PPFIA3: variants seen among roughly 807,000 people sequenced by gnomAD.
PPFIA3 encodes the protein liprin-alpha-3.
In PPFIA3, 26 loss-of-function variants were observed where a neutral mutation model predicts 145.8. That is an observed-to-expected ratio of 0.18 (90% CI 0.13 to 0.25). PPFIA3 has a LOEUF of 0.25. PPFIA3 is among the 10% of genes least tolerant of loss of function. PPFIA3 has a pLI of 1.00. For missense variants in PPFIA3, 1,008 were observed against 1,587.8 expected (o/e 0.63, Z 6.21); for synonymous variants, 645 against 661.4 (o/e 0.98, Z 0.38).
At chr19:49,139,007 A>G (rs17272756) in intron 16 of PPFIA3, among the ~76,000 whole-genome samples, 14,662 of 151,878 alleles carry the variant, frequency 0.097, 875 homozygotes, top group Non-Finnish European at 0.14. Context: ...CATGCATTGG[A>G]GAACTACAAA....
chr19:49,121,902 G>C lies in PPFIA3; in HGVS notation c.-16+2180G>C, dbSNP rs192568431. Among the ~76,000 whole-genome samples the C allele has an allele frequency of 3.3e-5, 5 of 151,894 alleles. No homozygotes were observed. The East Asian group carries it at 9.8e-4, about 30-fold the overall frequency. On this transcript the variant is annotated intron_variant, in intron 1 of 29. Coordinates refer to ENST00000334186, the MANE Select transcript of PPFIA3 (RefSeq NM_003660.4). ...TCCTTCTCTGTTGGCTCCCAAAAGTGCTGGGATTACAGGCATGGCCATCGC... is the reference window on the plus strand; with the variant it reads ...TCCTTCTCTGTTGGCTCCCAAAAGTCCTGGGATTACAGGCATGGCCATCGC...
intron 23 of PPFIA3, among the ~76,000 whole-genome samples, chr19:49,146,636 G>A (rs10401584): frequency 0.1 from 15,451 of 152,076 alleles, 2,209 homozygotes; most frequent in African/African-American, 0.33. Context: ...TTGTTCTCAA[G>A]AAACAAGAGG....
At chr19:49,129,087 T>C (rs1208807985) in intron 4 of PPFIA3, 75 bp downstream of exon 4, 2 of 1,449,270 alleles carry the variant, frequency 1.4e-6, no homozygotes, top group Admixed American at 2.3e-5. Flanking sequence ...TGGGAGAGAT[T>C]CTGGCCGTGA....
intron 24 of PPFIA3, 121 bp from the exon 25 acceptor site, chr19:49,148,545 T>C (rs2122658460): frequency 2.4e-6 from 2 of 842,996 alleles, no homozygotes; most frequent in African/African-American, 1.7e-5. Context: ...CAACAGTCAA[T>C]AGAACTTATC....
chr19:49,145,685 G>A (rs1465346724), intron 21 of PPFIA3: 2 of 522,762 alleles, frequency 3.8e-6, no homozygotes, highest in South Asian at 2.1e-5. Context: ...GCGAGGTGAC[G>A]TCATTTGCAC....
intron 23 of PPFIA3, among the ~76,000 whole-genome samples, chr19:49,147,221 C>T (rs978709133): frequency 2.0e-5 from 3 of 152,002 alleles, no homozygotes; most frequent in African/African-American, 4.8e-5. Context: ...GGTTTAGTGA[C>T]GTTGGACTGC....
Position 49,128,555 on chromosome 19 carries a change from GA to G in PPFIA3, c.342+88del. ...GCGGGGCCTCTCAGTGTTGCAGCGTGACCTATTTTTTTCCCCCATCTCGCCT... is the reference window on the plus strand; with the variant it reads ...GCGGGGCCTCTCAGTGTTGCAGCGTGCCTATTTTTTTCCCCCATCTCGCCT... On this transcript the variant is annotated intron_variant, in intron 3 of 29. Transcript: ENST00000334186. The surrounding 1 kb of genome is among the most constrained non-coding windows in gnomAD (Gnocchi z 4.1). 7.7e-7 allele frequency: 1 copy of G among 1,290,544 alleles called. No individual in the cohort carries two copies. Among genetic ancestry groups the G allele is most frequent in the Non-Finnish European group, 1.1e-6 (1 of 910,244 alleles). 79.9% of individuals were successfully genotyped at this position (1,290,544 alleles called of 1,614,324 possible). A position where few individuals can be genotyped will look rare whatever the true frequency, so the allele number is the denominator to read the frequency against.
Position 49,148,735 on chromosome 19 carries a change from G to A in PPFIA3, c.3081G>A (p.Arg1027=). The change falls in exon 25 of 30, where the codon AGG becomes AGA. Residue 1027 remains arginine, a synonymous_variant. Transcript: ENST00000334186. The part of the protein sequence containing the change: ...LNYDRKDLER[R]REESQTQIRD... ...ATGACCGGAAGGACCTGGAGCGGAG[G>A]CGGGAAGAAAGTCAGACCCAGATCC... is the stretch of plus-strand genomic sequence containing the variant. 6.2e-6 allele frequency: 10 copies of A among 1,614,092 alleles called. No homozygotes were observed. Among genetic ancestry groups the A allele is most frequent in the Non-Finnish European group, 8.5e-6 (10 of 1,179,970 alleles).
chr19:49,150,270 C>T lies in PPFIA3; in HGVS notation c.*48C>T. 2 of 988,246 alleles carry T rather than the reference C, an allele frequency of 2.0e-6. No individual in the cohort carries two copies. The highest frequency in any genetic ancestry group is 1.6e-5 in the South Asian group (1 of 62,146). 61.2% of individuals were successfully genotyped at this position (988,246 alleles called of 1,614,324 possible). A position where few individuals can be genotyped will look rare whatever the true frequency, so the allele number is the denominator to read the frequency against. Reference sequence around the variant, plus strand: ...CTCGGACGGAAGAATCTTCCCGAGGCTGGGCTGTTCCCTCTCCTGCCCGGA... The same window carrying T: ...CTCGGACGGAAGAATCTTCCCGAGGTTGGGCTGTTCCCTCTCCTGCCCGGA... On this transcript the variant is annotated 3_prime_UTR_variant, in exon 30 of 30. Coordinates refer to ENST00000334186, the MANE Select transcript of PPFIA3 (RefSeq NM_003660.4).
intron 18 of PPFIA3, among the ~76,000 whole-genome samples, chr19:49,140,639 C>CTTTTTTTTTTTTTTTT (rs4002348): frequency 2.5e-4 from 16 of 63,830 alleles, no homozygotes; most frequent in African/African-American, 1.3e-3. Flanking sequence ...ACTCATTTAC[C>CTTTTTTTTTTTTTTTT]TTTTTTTTTT....
Position 49,149,174 on chromosome 19 carries a change from C to T in PPFIA3, c.3285+6C>T. 6.2e-7 allele frequency: 1 copy of T among 1,613,894 alleles called. No homozygotes were observed. The highest frequency in any genetic ancestry group is 1.1e-5 in the South Asian group (1 of 91,040). On this transcript the variant is annotated splice_donor_region_variant and intron_variant, in intron 26 of 29. Coordinates refer to ENST00000334186, the MANE Select transcript of PPFIA3 (RefSeq NM_003660.4). The surrounding 1 kb of genome is among the most constrained non-coding windows in gnomAD (Gnocchi z 5.7). ...TCCCCACGCAGAATGCACAGGTGAG[C>T]TGCCGCTGGGCCCGGAGCATGCTGG...
intron 12 of PPFIA3, 26 bp from the exon 13 acceptor site, chr19:49,134,810 C>T (rs2041117624): frequency 6.2e-7 from 1 of 1,603,528 alleles, no homozygotes; most frequent in Non-Finnish European, 8.5e-7. Flanking sequence ...AGATTCTAAC[C>T]CGACACCTCC....
rs778987116 is a variant in PPFIA3, at chr19:49,133,164, G to A, written c.1026+17G>A. On this transcript the variant is annotated intron_variant, in intron 8 of 29. Transcript: ENST00000334186. This position sits in a 1 kb window ranked among gnomAD's most constrained non-coding sequence, Gnocchi z 7.2. ...TATCGGCAGGTGGGGGCGCGGCCGG[G>A]AGGGGCGATGGGGGCGGTGCCGGGG... 2.5e-6 allele frequency: 4 copies of A among 1,588,652 alleles called. No individual in the cohort carries two copies. In the East Asian group the frequency reaches 9.0e-5, roughly 36 times the overall value.
chr19:49,139,707 G>C lies in PPFIA3; in HGVS notation c.2116G>C (p.Glu706Gln), dbSNP rs373605341. The change falls in exon 17 of 30, where the codon GAG becomes CAG. Residue 706 changes from glutamate to glutamine, a missense_variant. This residue lies in a region of PPFIA3 where 202 missense variants were observed against 241.8 expected (regional missense o/e 0.84). Transcript: ENST00000334186. ...GGAGGAAGCTGGAGCTCCACGAGGGGAGGGGCCGGCCATCCCAGGAGACAC... is the reference window on the plus strand; with the variant it reads ...GGAGGAAGCTGGAGCTCCACGAGGGCAGGGGCCGGCCATCCCAGGAGACAC... Reference protein sequence around the residue: ...PKEEAGAPRGEGPAIPGDTPP... With the variant: ...PKEEAGAPRGQGPAIPGDTPP... 6.2e-7 allele frequency: 1 copy of C among 1,612,168 alleles called. No individual in the cohort carries two copies. Among genetic ancestry groups the C allele is most frequent in the Non-Finnish European group, 8.5e-7 (1 of 1,178,932 alleles).
rs1211159387 is a variant in PPFIA3 at position 49,128,755 on chromosome 19, C to T, written c.343-93C>T. ...GCTCCTTTATATGGCTCCATCTTTT[C>T]CTCCATGTGTCCGCCCTACCTGTCA... On this transcript the variant is annotated intron_variant, in intron 3 of 29. Coordinates refer to ENST00000334186, the MANE Select transcript of PPFIA3 (RefSeq NM_003660.4). This position sits in a 1 kb window ranked among gnomAD's most constrained non-coding sequence, Gnocchi z 4.1. The T allele has an allele frequency of 2.6e-5, 32 of 1,250,620 alleles. No individual in the cohort carries two copies. The highest frequency in any genetic ancestry group is 3.4e-5 in the Non-Finnish European group (31 of 904,052). The allele number at this position is 1,250,620 out of a possible 1,614,324, so 77.5% of individuals were successfully genotyped here. A position where few individuals can be genotyped will look rare whatever the true frequency, so the allele number is the denominator to read the frequency against.
intron 7 of PPFIA3, among the ~76,000 whole-genome samples, chr19:49,132,283 A>G (rs1034248553): frequency 6.9e-6 from 1 of 145,672 alleles, no homozygotes; most frequent in Non-Finnish European, 1.5e-5. Context: ...CAGCTACTTG[A>G]GAGGTTGAGG....
Position 49,149,328 on chromosome 19 carries a change from G to T in PPFIA3, c.3354+3G>T. 1 of 1,613,998 alleles carries T rather than the reference G, an allele frequency of 6.2e-7. No homozygotes were observed. Among genetic ancestry groups the T allele is most frequent in the South Asian group, 1.1e-5 (1 of 91,064 alleles). Reference sequence around the variant, plus strand: ...GCACAGACAGGCGGCTGGACGAGGTGGGCGCGGCAACAGCTCAGAGGGCTC... The same window carrying T: ...GCACAGACAGGCGGCTGGACGAGGTTGGCGCGGCAACAGCTCAGAGGGCTC... On this transcript the variant is annotated splice_donor_region_variant and intron_variant, in intron 27 of 29. Coordinates refer to ENST00000334186, the MANE Select transcript of PPFIA3 (RefSeq NM_003660.4). This position sits in a 1 kb window ranked among gnomAD's most constrained non-coding sequence, Gnocchi z 5.7.
chr19:49,136,639 G>A (rs1006689120), intron 14 of PPFIA3, 85 bp from the exon 15 acceptor site: 206 of 895,766 alleles, frequency 2.3e-4, no homozygotes, highest in South Asian at 9.9e-4. Flanking sequence ...CAGTGAGGTC[G>A]GGCAAGTCAG....
At chr19:49,125,959 TG>T (rs1339866989) in intron 1 of PPFIA3, among the ~76,000 whole-genome samples, 3 of 151,774 alleles carry the variant, frequency 2.0e-5, no homozygotes, top group Admixed American at 6.6e-5. Context: ...TTGTTTGTTT[TG>T]TTTTTTTTTG....
Sources: allele counts gnomAD v4.1 joint callset (sites outside exome capture counted in the v4.1 genomes callset), GRCh38; gene constraint gnomAD v4.1.1; regional missense constraint gnomAD v4.1.1; non-coding constraint Gnocchi (gnomAD v3.1); transcripts MANE v1.5; gene names NCBI Gene and HGNC (gene_info 2026-07-23, HGNC 2026-07-21).